Variants in TSPAN18 observed in about 807,000 individuals in gnomAD.
The protein encoded by TSPAN18 is tetraspanin-18.
Under a neutral mutation model 27.3 loss-of-function variants are expected in TSPAN18, and 14 were observed. The observed-to-expected ratio is 0.51, with a 90% CI of 0.34 to 0.80. The LOEUF (loss-of-function observed/expected upper bound fraction) is 0.80, where lower values mean the gene tolerates loss of function less well. Among genes scored for constraint, TSPAN18 ranks in the 30% least tolerant of loss-of-function variants. TSPAN18 has a pLI of 0.01. For missense variants in TSPAN18, 268 were observed against 323.9 expected, an observed-to-expected ratio of 0.83 and a Z score of 1.32; for synonymous variants, 143 against 136.5, an observed-to-expected ratio of 1.05 and a Z score of -0.33.
chr11:44,865,975 C>T (rs2135226736), intron 3 of TSPAN18, among the ~76,000 whole-genome samples: 1 of 152,370 alleles, frequency 6.6e-6, no homozygotes, highest in South Asian at 2.1e-4. Context: ...GTGCCAGCCT[C>T]ACAAACAATG....
chr11:44,848,754 G>T (rs1453486255), intron 2 of TSPAN18, among the ~76,000 whole-genome samples: 2 of 152,216 alleles, frequency 1.3e-5, no homozygotes, highest in Non-Finnish European at 2.9e-5. Context: ...GGAGTCTGTG[G>T]TTCTCTTGAC....
intron 2 of TSPAN18, among the ~76,000 whole-genome samples, chr11:44,855,540 G>C (rs1375070513): frequency 6.6e-6 from 1 of 151,962 alleles, no homozygotes; most frequent in Non-Finnish European, 1.5e-5. Context: ...CCACTTTATA[G>C]GGGAGGGAAC....
intron 1 of TSPAN18, among the ~76,000 whole-genome samples, chr11:44,737,675 A>G (rs1029755091): frequency 2.0e-5 from 3 of 151,388 alleles, no homozygotes; most frequent in Non-Finnish European, 4.4e-5. Context: ...CTTGCTTAAA[A>G]CCCTTCGATG....
intron 9 of TSPAN18, 67 bp downstream of exon 9, chr11:44,926,824 C>T (rs1860377531): frequency 1.3e-6 from 2 of 1,540,438 alleles, no homozygotes; most frequent in Admixed American, 1.7e-5. Context: ...AGGCAGATCC[C>T]CCCAGCCTCC....
At chr11:44,791,786 TG>T (rs1856230055) in intron 2 of TSPAN18, among the ~76,000 whole-genome samples, 2 of 152,228 alleles carry the variant, frequency 1.3e-5, no homozygotes, top group Non-Finnish European at 2.9e-5. Flanking sequence ...TGAATCTCCC[TG>T]GCTGTAGCAC....
At chr11:44,874,002 C>T (rs1858262946) in intron 3 of TSPAN18, among the ~76,000 whole-genome samples, 1 of 152,192 alleles carries the variant, frequency 6.6e-6, no homozygotes, top group Non-Finnish European at 1.5e-5. Flanking sequence ...CCACCTTGGA[C>T]CCAGCACCCG....
intron 2 of TSPAN18, among the ~76,000 whole-genome samples, chr11:44,843,300 G>A (rs1418596558): frequency 6.6e-6 from 1 of 152,140 alleles, no homozygotes; most frequent in Non-Finnish European, 1.5e-5. Context: ...GGTGGGATCC[G>A]TGATGCCCCA....
intron 1 of TSPAN18, among the ~76,000 whole-genome samples, chr11:44,745,794 G>A (rs924793570): frequency 4.6e-5 from 7 of 152,302 alleles, no homozygotes; most frequent in African/African-American, 1.4e-4. Flanking sequence ...TTGGGAGGCC[G>A]AGGCGGGTGG....
At chr11:44,888,401 G>A (rs1858731521) in intron 3 of TSPAN18, among the ~76,000 whole-genome samples, 1 of 152,180 alleles carries the variant, frequency 6.6e-6, no homozygotes, top group Admixed American at 6.5e-5. Flanking sequence ...TGAAGCAGGA[G>A]CAGTTATGAC....
chr11:44,811,608 C>T (rs180928685), intron 2 of TSPAN18, among the ~76,000 whole-genome samples: 49 of 152,004 alleles, frequency 3.2e-4, no homozygotes, highest in Admixed American at 2.4e-3. Context: ...TACAGGCACC[C>T]GCCACCACAC....
intron 8 of TSPAN18, among the ~76,000 whole-genome samples, chr11:44,924,254 G>C (rs1211940537): frequency 6.6e-6 from 1 of 152,126 alleles, no homozygotes; most frequent in African/African-American, 2.4e-5. Flanking sequence ...TTGAGATTGA[G>C]AGCTTGCTAC....
chr11:44,898,443 AG>A (rs1421948171), intron 3 of TSPAN18, among the ~76,000 whole-genome samples: 1 of 152,268 alleles, frequency 6.6e-6, no homozygotes. Context: ...TTACACAAAC[AG>A]TAGTGTCAGA....
chr11:44,908,783 GAAA>G (rs1859575362), intron 4 of TSPAN18, among the ~76,000 whole-genome samples: 3 of 110,820 alleles, frequency 2.7e-5, no homozygotes, highest in African/African-American at 1.2e-4. Context: ...AAGAAAGAAA[GAAA>G]GAAAGAAAGA....
At chr11:44,761,194 G>A (rs1055787953) in intron 1 of TSPAN18, among the ~76,000 whole-genome samples, 1 of 152,204 alleles carries the variant, frequency 6.6e-6, no homozygotes, top group African/African-American at 2.4e-5. Context: ...GTCTGGGGCT[G>A]GGAGGGTTGT....
At chr11:44,803,477 A>T (rs891550609) in intron 2 of TSPAN18, among the ~76,000 whole-genome samples, 10 of 152,086 alleles carry the variant, frequency 6.6e-5, no homozygotes, top group African/African-American at 2.4e-4. Flanking sequence ...CTGAATTTGG[A>T]TTTAATTGTT....
chr11:44,781,178 A>G (rs1453000), intron 2 of TSPAN18, among the ~76,000 whole-genome samples: 5,068 of 152,188 alleles, frequency 0.033, 278 homozygotes, highest in African/African-American at 0.11. Flanking sequence ...TAGAGTAGAG[A>G]TAGGAAGACT....
At chr11:44,882,554 G>T (rs1267902563) in intron 3 of TSPAN18, among the ~76,000 whole-genome samples, 1 of 150,272 alleles carries the variant, frequency 6.7e-6, no homozygotes, top group South Asian at 2.1e-4. Flanking sequence ...AGCAGGTAGC[G>T]TTCCACCTCA....
intron 3 of TSPAN18, among the ~76,000 whole-genome samples, chr11:44,862,807 C>G (rs938146270): frequency 3.3e-5 from 5 of 152,216 alleles, no homozygotes; most frequent in African/African-American, 1.2e-4. Context: ...CCACCTGTGC[C>G]TGATGCAGCA....
At chr11:44,902,368 G>T (rs1859293968) in intron 3 of TSPAN18, among the ~76,000 whole-genome samples, 1 of 152,248 alleles carries the variant, frequency 6.6e-6, no homozygotes, top group Non-Finnish European at 1.5e-5. Flanking sequence ...GGACCATGCT[G>T]GTTGGATGCA....
Sources: gnomAD v4.1 joint callset for allele counts (sites outside exome capture counted in the v4.1 genomes callset) on GRCh38, gnomAD v4.1.1 for gene constraint, MANE v1.5 for transcripts, NCBI Gene and HGNC (gene_info 2026-07-23, HGNC 2026-07-21) for gene names.